Variants in ABCG2 observed in about 807,000 individuals in gnomAD.
ABCG2 encodes the protein broad substrate specificity ATP-binding cassette transporter ABCG2.
Under a neutral mutation model 73.5 loss-of-function variants are expected in ABCG2, and 80 were observed. The observed-to-expected ratio is 1.09, with a 90% CI of 0.91 to 1.31. The LOEUF is 1.31. ABCG2 is among the 50% of genes most tolerant of loss of function. The pLI is 0.00. For missense variants in ABCG2, 796 were observed against 786.2 expected (o/e 1.01, Z -0.15); for synonymous variants, 269 against 282.4 (o/e 0.95, Z 0.48).
chr4:88,209,309 C>CAA (rs60027656), intron 1 of ABCG2, among the ~76,000 whole-genome samples: 7 of 81,452 alleles, frequency 8.6e-5, no homozygotes, highest in Non-Finnish European at 1.5e-4. Flanking sequence ...GACTCCATCT[C>CAA]AAAAAAAAAA....
intron 1 of ABCG2, among the ~76,000 whole-genome samples, chr4:88,153,534 T>G (rs6847156): frequency 7.4e-6 from 1 of 134,674 alleles, no homozygotes. Context: ...TTCCTGAAGA[T>G]TGAGGATGGT....
chr4:88,170,746 CTTG>C (rs2110092789), intron 1 of ABCG2, among the ~76,000 whole-genome samples: 1 of 152,370 alleles, frequency 6.6e-6, no homozygotes, highest in Non-Finnish European at 1.5e-5. Context: ...ATACCTCACT[CTTG>C]TTATTTTGTC....
At chr4:88,207,003 C>T (rs1322926278) in intron 1 of ABCG2, among the ~76,000 whole-genome samples, 2 of 152,182 alleles carry the variant, frequency 1.3e-5, no homozygotes, top group Admixed American at 1.3e-4. Flanking sequence ...CCATGTTGGC[C>T]AGGCTGCTTT....
intron 1 of ABCG2, among the ~76,000 whole-genome samples, chr4:88,164,913 G>T (rs1727456413): frequency 6.6e-6 from 1 of 152,086 alleles, no homozygotes; most frequent in Non-Finnish European, 1.5e-5. Context: ...AAGTAGCTGG[G>T]ATTACAGGCA....
At chr4:88,122,464 G>C (rs948289592) in intron 5 of ABCG2, among the ~76,000 whole-genome samples, 2 of 152,152 alleles carry the variant, frequency 1.3e-5, no homozygotes, top group East Asian at 1.9e-4. Context: ...AGTCAACCTG[G>C]GAAGCTTGAG....
chr4:88,147,900 G>A lies in ABCG2; in HGVS notation c.-19-7886C>T, dbSNP rs181616592. Among the ~76,000 whole-genome samples the A allele has an allele frequency of 3.9e-4, 59 of 152,334 alleles. 1 individual carries two copies. The highest frequency in any genetic ancestry group is 3.7e-3 in the Admixed American group (57 of 15,294). On this transcript the variant is annotated intron_variant, in intron 1 of 15. Coordinates refer to ENST00000237612, the MANE Select transcript of ABCG2 (RefSeq NM_004827.3). ...AGAACGCAGTATGATTAACACAGCT[G>A]TAGTTCACAAAAACTACAATTATCC... is the stretch of plus-strand genomic sequence containing the variant.
intron 7 of ABCG2, among the ~76,000 whole-genome samples, chr4:88,115,772 CA>C (rs1189748836): frequency 1.3e-5 from 2 of 152,170 alleles, no homozygotes; most frequent in Admixed American, 6.5e-5. Flanking sequence ...AGTACTTCCT[CA>C]AAAATCTAAA....
chr4:88,202,349 ATTAT>A (rs780116171), intron 1 of ABCG2, among the ~76,000 whole-genome samples: 1,518 of 6,404 alleles, frequency 0.24, 269 homozygotes, highest in South Asian at 0.48. Context: ...CATCTCTACA[ATTAT>A]TTATATATAT....
intron 1 of ABCG2, among the ~76,000 whole-genome samples, chr4:88,216,902 G>A (rs1729835846): frequency 6.6e-6 from 1 of 151,874 alleles, no homozygotes; most frequent in African/African-American, 2.4e-5. Context: ...GTGGTGGTGG[G>A]CACCTGTAAT....
intron 1 of ABCG2, among the ~76,000 whole-genome samples, chr4:88,214,713 C>T (rs1578284384): frequency 1.3e-5 from 2 of 151,340 alleles, no homozygotes. Context: ...TTTTTTGTAA[C>T]GATTCTCCCA....
rs761288842 is a variant in ABCG2, at chr4:88,139,863, G to A, written c.133C>T (p.Arg45Ter). 13 of 1,614,094 alleles carry A rather than the reference G, an allele frequency of 8.1e-6. No homozygotes were observed. The highest frequency in any genetic ancestry group is 1.7e-5 in the Admixed American group (1 of 60,010). ...AGAAAGCCACTCTTCAGTTTTACTC[G>A]ATAGCAGATGTTATGAAAACTTAAC... ...AVLSFHNICY[R>*]VKLKSGFLPC... The change falls in exon 2 of 16, where the codon CGA (arginine) becomes TGA (stop). Residue 45 changes from arginine to a stop codon, truncating the protein, a stop_gained. Coordinates refer to ENST00000237612, the MANE Select transcript of ABCG2 (RefSeq NM_004827.3). LOFTEE classifies it high-confidence loss of function.
At chr4:88,100,125 T>G (rs1016138885) in intron 11 of ABCG2, among the ~76,000 whole-genome samples, 13 of 150,786 alleles carry the variant, frequency 8.6e-5, no homozygotes, top group Non-Finnish European at 1.8e-4. Context: ...TTTGGGAAAA[T>G]GTGATCCATC....
upstream of ABCG2, among the ~76,000 whole-genome samples, chr4:88,162,332 G>T (rs920216920): frequency 1.3e-5 from 2 of 151,700 alleles, no homozygotes; most frequent in Non-Finnish European, 1.5e-5. Context: ...AATGAAAAAT[G>T]GATTTTAAAA....
intron 1 of ABCG2, among the ~76,000 whole-genome samples, chr4:88,140,436 A>G (rs1327995574): frequency 1.3e-5 from 2 of 152,198 alleles, no homozygotes; most frequent in Non-Finnish European, 2.9e-5. Flanking sequence ...AGCCTGGCCA[A>G]CATGGTGAAA....
intron 1 of ABCG2, among the ~76,000 whole-genome samples, chr4:88,203,749 A>G (rs1424226290): frequency 1.0e-4 from 4 of 38,984 alleles, no homozygotes; most frequent in Non-Finnish European, 2.2e-4. Context: ...AGCGAAACTC[A>G]GTTTCAAAAA....
chr4:88,134,357 T>C (rs942237757), intron 2 of ABCG2, among the ~76,000 whole-genome samples: 1 of 152,192 alleles, frequency 6.6e-6, no homozygotes, highest in African/African-American at 2.4e-5. Context: ...TTCACTTTGC[T>C]CATTAACTGG....
rs1336757451 is a variant in ABCG2 at position 88,090,782 on chromosome 4, AGTG to A, written c.*1449_*1451del. 3 of 152,262 alleles carry A rather than the reference AGTG, an allele frequency of 2.0e-5. No individual in the cohort carries two copies. Among genetic ancestry groups the A allele is most frequent in the South Asian group, 2.1e-4 (1 of 4,836 alleles). 9.4% of individuals were successfully genotyped at this position (152,262 alleles called of 1,614,324 possible). On this transcript the variant is annotated 3_prime_UTR_variant, in exon 16 of 16. Transcript: ENST00000237612. ...AACAATGAAAGAATATTAGTGGAAA[AGTG>A]GTGAAATCTGAATATTGTGTGCAGT...
At chr4:88,155,296 G>A (rs374115381) in intron 1 of ABCG2, among the ~76,000 whole-genome samples, 97 of 152,298 alleles carry the variant, frequency 6.4e-4, no homozygotes, top group African/African-American at 2.1e-3. Flanking sequence ...AGTCAGACAC[G>A]ATTGGCAGGG....
chr4:88,219,681 A>C (rs6840723), intron 1 of ABCG2, among the ~76,000 whole-genome samples: 49,244 of 143,304 alleles, frequency 0.34, 8,695 homozygotes, highest in Middle Eastern at 0.52. Context: ...TCCCAGGTTC[A>C]CGCCATTCTC....
Sources: gnomAD v4.1 joint callset for allele counts (sites outside exome capture counted in the v4.1 genomes callset) on GRCh38, gnomAD v4.1.1 for gene constraint, MANE v1.5 for transcripts, NCBI Gene and HGNC (gene_info 2026-07-23, HGNC 2026-07-21) for gene names.